EMB: variants seen among roughly 807,000 people sequenced by gnomAD.
EMB encodes the protein embigin, also known as embigin homolog.
In EMB, 31 loss-of-function variants were observed where a neutral mutation model predicts 41.4. The observed-to-expected ratio is 0.75, with a 90% CI of 0.56 to 1.01. The LOEUF is 1.01. Ranked by LOEUF, EMB falls within the 50% of genes least tolerant of loss-of-function variation. EMB has a pLI of 0.00. For missense variants in EMB, 379 were observed against 388.3 expected, an observed-to-expected ratio of 0.98 and a Z score of 0.20; for synonymous variants, 137 against 140.4, an observed-to-expected ratio of 0.98 and a Z score of 0.17.
At chr5:50,402,232 T>A in intron 7 of EMB, 54 bp downstream of exon 7, 1 of 1,546,648 alleles carries the variant, frequency 6.5e-7, no homozygotes, top group Non-Finnish European at 8.9e-7. Context: ...TTCAATTTTA[T>A]GTTTCCCTGT....
intron 1 of EMB, among the ~76,000 whole-genome samples, chr5:50,436,863 G>A (rs1745812083): frequency 1.3e-5 from 2 of 152,244 alleles, no homozygotes; most frequent in South Asian, 4.1e-4. Context: ...GAGGGTGACA[G>A]AAGATGAGGA....
intron 1 of EMB, among the ~76,000 whole-genome samples, chr5:50,430,744 A>G (rs1384408247): frequency 6.6e-6 from 1 of 152,222 alleles, no homozygotes; most frequent in African/African-American, 2.4e-5. Flanking sequence ...ACAAATTGGC[A>G]CATGAGCTAG....
At chr5:50,417,652 A>C (rs1579731229) in intron 2 of EMB, among the ~76,000 whole-genome samples, 1 of 152,340 alleles carries the variant, frequency 6.6e-6, no homozygotes, top group East Asian at 1.9e-4. Context: ...ACCTTGATAT[A>C]CTTTTTTATA....
intron 1 of EMB, among the ~76,000 whole-genome samples, chr5:50,431,230 A>G (rs1376193532): frequency 6.6e-6 from 1 of 152,218 alleles, no homozygotes; most frequent in Non-Finnish European, 1.5e-5. Context: ...TAAAGAGGCA[A>G]TATACAGAAA....
rs1335462093 is a variant in EMB, at chr5:50,402,408, G to C, written c.878-89C>G. 16 of 1,191,614 alleles carry C rather than the reference G, an allele frequency of 1.3e-5. No individual in the cohort carries two copies. In the Admixed American group the frequency reaches 2.4e-4, roughly 18 times the overall value. 73.8% of individuals were successfully genotyped at this position (1,191,614 alleles called of 1,614,324 possible). A position where few individuals can be genotyped will look rare whatever the true frequency, so the allele number is the denominator to read the frequency against. On this transcript the variant is annotated intron_variant, in intron 6 of 8. Transcript: ENST00000303221. ...TCAATTAAACCTCCTTCCTAAGTAAGTAAGTACTATGCTGTTTCTCCTGTT... is the reference window on the plus strand; with the variant it reads ...TCAATTAAACCTCCTTCCTAAGTAACTAAGTACTATGCTGTTTCTCCTGTT...
chr5:50,441,947 CTT>C (rs946198524), upstream of EMB, among the ~76,000 whole-genome samples: 2 of 152,164 alleles, frequency 1.3e-5, no homozygotes, highest in African/African-American at 4.8e-5. Flanking sequence ...TCCGAACACT[CTT>C]TAAGATAATG....
intron 4 of EMB, among the ~76,000 whole-genome samples, chr5:50,407,235 G>A (rs1745263552): frequency 6.6e-6 from 1 of 151,936 alleles, no homozygotes. Context: ...TTACCCACAG[G>A]CTAAGAATAA....
intron 4 of EMB, among the ~76,000 whole-genome samples, chr5:50,409,313 G>A (rs1360938802): frequency 6.6e-6 from 1 of 151,918 alleles, no homozygotes; most frequent in African/African-American, 2.4e-5. Flanking sequence ...CAAAACTAAT[G>A]AGAAAAATGT....
Position 50,441,071 on chromosome 5 carries a change from C to G in EMB, c.81G>C (p.Ala27=). The change falls in exon 1 of 9, where the codon GCG becomes GCC. Residue 27 remains alanine (A), a synonymous_variant. Coordinates refer to ENST00000303221, the MANE Select transcript of EMB (RefSeq NM_198449.3). ...LLLLQCLLAA[A]RPSSADGSAP... ...CACTGCCGTCCGCCGAGCTTGGGCG[C>G]GCGGCAGCGAGAAGGCACTGGAGGA... is the stretch of plus-strand genomic sequence containing the variant. 1 of 1,511,734 alleles carries G rather than the reference C, an allele frequency of 6.6e-7. No individual in the cohort carries two copies. Among genetic ancestry groups the G allele is most frequent in the Non-Finnish European group, 8.8e-7 (1 of 1,131,300 alleles). 93.6% of individuals were successfully genotyped at this position (1,511,734 alleles called of 1,614,324 possible). A position where few individuals can be genotyped will look rare whatever the true frequency, so the allele number is the denominator to read the frequency against.
intron 4 of EMB, among the ~76,000 whole-genome samples, chr5:50,409,627 G>T (rs547058406): frequency 6.7e-6 from 1 of 150,328 alleles, no homozygotes; most frequent in East Asian, 1.9e-4. Context: ...GAACTCAAAA[G>T]GTGGGAGGGA....
In EMB at chr5:50,398,538, G is replaced by A. The variant is rs1446045500; in HGVS notation, c.*735C>T. 1 of 151,950 alleles carries A rather than the reference G, an allele frequency of 6.6e-6. No homozygotes were observed. The highest frequency in any genetic ancestry group is 1.5e-5 in the Non-Finnish European group (1 of 67,950). The allele number at this position is 151,950 out of a possible 1,614,324, so 9.4% of individuals were successfully genotyped here. ...CCTGCACCCTAAAACATAAACAATG[G>A]TGTACCTTATGAAGTTAAAAACCCT... On this transcript the variant is annotated 3_prime_UTR_variant, in exon 9 of 9. Transcript: ENST00000303221.
intron 2 of EMB, among the ~76,000 whole-genome samples, chr5:50,425,415 G>A (rs911899256): frequency 2.0e-5 from 3 of 151,988 alleles, no homozygotes; most frequent in Non-Finnish European, 4.4e-5. Flanking sequence ...CAAGGAAACT[G>A]TCAGCTGTTT....
In EMB at chr5:50,396,316, A is replaced by G. The variant is rs1745065121; in HGVS notation, c.*2957T>C. On this transcript the variant is annotated 3_prime_UTR_variant, in exon 9 of 9. Transcript: ENST00000303221. ...AAATTTAATTTTTATTTATACATTC[A>G]TCCGTTCAATACACATTTCAAGAAA... 6.6e-6 allele frequency: 1 copy of G among 152,202 alleles called. No homozygotes were observed. Among genetic ancestry groups the G allele is most frequent in the Non-Finnish European group, 1.5e-5 (1 of 68,036 alleles). 9.4% of individuals were successfully genotyped at this position (152,202 alleles called of 1,614,324 possible). A position where few individuals can be genotyped will look rare whatever the true frequency, so the allele number is the denominator to read the frequency against.
chr5:50,414,528 CAAAAAAAAAAAAAAA>C (rs34645448), intron 2 of EMB, among the ~76,000 whole-genome samples: 1 of 46,692 alleles, frequency 2.1e-5, no homozygotes, highest in Non-Finnish European at 4.1e-5. Flanking sequence ...CTGTCTCAGG[CAAAAAAAAAAAAAAA>C]AAAAAAAAAA....
In EMB at chr5:50,441,086, G is replaced by A. The variant is rs1238086125; in HGVS notation, c.66C>T (p.Cys22=). The A allele has an allele frequency of 1.3e-6, 2 of 1,519,942 alleles. No homozygotes were observed. The highest frequency in any genetic ancestry group is 2.6e-5 in the East Asian group (1 of 38,924). The allele number at this position is 1,519,942 out of a possible 1,614,324, so 94.2% of individuals were successfully genotyped here. ...AGCTTGGGCGCGCGGCAGCGAGAAG[G>A]CACTGGAGGAGGAGCAGCCGGGGCG... The part of the protein sequence containing the change: ...ARTPRLLLLQ[C]LLAAARPSSA... Residue 22 remains cysteine, a synonymous_variant, in exon 1 of 9, where the codon TGC becomes TGT. Transcript: ENST00000303221.
chr5:50,441,552 T>C (rs1745916824), upstream of EMB, among the ~76,000 whole-genome samples: 1 of 152,230 alleles, frequency 6.6e-6, no homozygotes, highest in African/African-American at 2.4e-5. Flanking sequence ...GCACTTCACC[T>C]GAGGCAGGTT....
chr5:50,411,492 A>G lies in EMB; in HGVS notation c.197-109T>C, dbSNP rs1471547567. On this transcript the variant is annotated intron_variant, in intron 2 of 8. Coordinates refer to ENST00000303221, the MANE Select transcript of EMB (RefSeq NM_198449.3). The stretch of plus-strand genomic sequence containing the variant: ...TGTTTCATTGACAATTTCTTAATGT[A>G]ACATTCATTTGAAGAATTATTCCTC... 6.9e-6 allele frequency: 5 copies of G among 720,990 alleles called. No homozygotes were observed. The African/African-American group carries it at 7.3e-5, about 11-fold the overall frequency. The allele number at this position is 720,990 out of a possible 1,614,324, so 44.7% of individuals were successfully genotyped here. A position where few individuals can be genotyped will look rare whatever the true frequency, so the allele number is the denominator to read the frequency against.
intron 2 of EMB, among the ~76,000 whole-genome samples, chr5:50,412,418 C>T (rs998633113): frequency 5.9e-5 from 9 of 152,116 alleles, no homozygotes; most frequent in African/African-American, 2.2e-4. Flanking sequence ...TGTCATAAAT[C>T]CCCTCCCTAG....
chr5:50,442,986 T>C (rs1024433660), upstream of EMB: 3 of 152,228 alleles, frequency 2.0e-5, no homozygotes, highest in African/African-American at 7.2e-5. Context: ...TTGCTTTTGC[T>C]GTTGGAACAA....
Sources: allele counts gnomAD v4.1 joint callset (sites outside exome capture counted in the v4.1 genomes callset), GRCh38; gene constraint gnomAD v4.1.1; transcripts MANE v1.5; gene names NCBI Gene and HGNC (gene_info 2026-07-23, HGNC 2026-07-21).